Variants in RNF24 observed in about 807,000 individuals in gnomAD.
The protein encoded by RNF24 is ring finger protein 24.
A neutral mutation model predicts 20.0 loss-of-function variants in RNF24; 14 were observed. The observed-to-expected ratio is 0.70, with a 90% confidence interval of 0.46 to 1.10. The LOEUF (loss-of-function observed/expected upper bound fraction) is 1.10, where lower values mean the gene tolerates loss of function less well. RNF24 is among the 50% of genes least tolerant of loss of function. RNF24 has a pLI of 0.00. For synonymous variants in RNF24, 45 were observed against 61.1 expected (o/e 0.74, Z 1.23); for missense variants, 124 against 177.6 (o/e 0.70, Z 1.71).
intron 1 of RNF24, among the ~76,000 whole-genome samples, chr20:3,997,583 C>T (rs141287000): frequency 1.1e-4 from 17 of 151,178 alleles, no homozygotes; most frequent in East Asian, 9.7e-4. Context: ...TGTGCTACCA[C>T]GCCCAGCTAA....
chr20:3,960,850 G>A (rs2091193763), intron 2 of RNF24, among the ~76,000 whole-genome samples: 1 of 151,984 alleles, frequency 6.6e-6, no homozygotes, highest in Admixed American at 6.6e-5. Flanking sequence ...AGGGTAGAGT[G>A]TGGCACAATC....
intron 1 of RNF24, among the ~76,000 whole-genome samples, chr20:4,007,660 T>G (rs1981983380): frequency 6.6e-6 from 1 of 150,980 alleles, no homozygotes; most frequent in Non-Finnish European, 1.5e-5. Flanking sequence ...ATCCTAGCAC[T>G]TTGGGAGGTG....
intron 1 of RNF24, among the ~76,000 whole-genome samples, chr20:3,997,507 G>A (rs1021026619): frequency 3.3e-5 from 5 of 150,976 alleles, no homozygotes; most frequent in Non-Finnish European, 1.5e-5. Flanking sequence ...GCTCACTGTC[G>A]CCTCAAACTC....
chr20:3,993,687 A>G (rs1482415597), intron 1 of RNF24, among the ~76,000 whole-genome samples: 1 of 152,214 alleles, frequency 6.6e-6, no homozygotes, highest in South Asian at 2.1e-4. Flanking sequence ...GAATGGATAC[A>G]CAAGTAAAAA....
At chr20:4,003,556 A>G (rs1981587326) in intron 1 of RNF24, among the ~76,000 whole-genome samples, 1 of 151,592 alleles carries the variant, frequency 6.6e-6, no homozygotes, top group South Asian at 2.1e-4. Flanking sequence ...ACCCTCTGAA[A>G]ATCTATTTTG....
At chr20:3,981,512 CTTT>C (rs1420728505) in intron 1 of RNF24, among the ~76,000 whole-genome samples, 2 of 143,680 alleles carry the variant, frequency 1.4e-5, no homozygotes, top group Non-Finnish European at 3.1e-5. Context: ...CACTTTTTTT[CTTT>C]TTTTTTTTTG....
intron 1 of RNF24, among the ~76,000 whole-genome samples, chr20:4,004,585 C>G (rs1981690600): frequency 6.6e-6 from 1 of 151,970 alleles, no homozygotes; most frequent in Non-Finnish European, 1.5e-5. Context: ...GATTCTAGAT[C>G]CAATGGCAAG....
Position 3,930,422 on chromosome 20 carries a change from CAG to C in RNF24, c.*3639_*3640del, listed in dbSNP as rs1420245767. 1 of 152,202 alleles carries C rather than the reference CAG, an allele frequency of 6.6e-6. No homozygotes were observed. Among genetic ancestry groups the C allele is most frequent in the Non-Finnish European group, 1.5e-5 (1 of 68,072 alleles). 9.4% of individuals were successfully genotyped at this position (152,202 alleles called of 1,614,324 possible). A position where few individuals can be genotyped will look rare whatever the true frequency, so the allele number is the denominator to read the frequency against. On this transcript the variant is annotated 3_prime_UTR_variant, in exon 6 of 6. Transcript: ENST00000358395. ...CCCAGATGATGTTATGTGGTATCAG[CAG>C]CCCCCATGACACCAGGCCTGCTGCC...
chr20:3,967,127 T>C (rs2091266884), intron 1 of RNF24, among the ~76,000 whole-genome samples: 1 of 152,338 alleles, frequency 6.6e-6, no homozygotes, highest in East Asian at 1.9e-4. Flanking sequence ...GACACATTAG[T>C]TTTTACAAAA....
At chr20:3,940,317 G>A (rs2090939823) in intron 4 of RNF24, among the ~76,000 whole-genome samples, 1 of 151,840 alleles carries the variant, frequency 6.6e-6, no homozygotes. Context: ...TTAATGGATG[G>A]GCTCAACAGC....
At chr20:3,941,935 G>A (rs1260757114) in intron 4 of RNF24, among the ~76,000 whole-genome samples, 6 of 151,890 alleles carry the variant, frequency 4.0e-5, no homozygotes, top group Non-Finnish European at 8.8e-5. Context: ...TTAGCTGGGC[G>A]TGGTGGTGGA....
intron 1 of RNF24, among the ~76,000 whole-genome samples, chr20:3,978,301 G>A (rs540082967): frequency 9.9e-5 from 15 of 152,008 alleles, no homozygotes; most frequent in African/African-American, 3.4e-4. Flanking sequence ...CTCCCAAAGT[G>A]CTGGAATTAC....
chr20:3,996,421 T>C (rs941830262), intron 1 of RNF24, among the ~76,000 whole-genome samples: 5 of 152,194 alleles, frequency 3.3e-5, no homozygotes, highest in Non-Finnish European at 1.5e-5. Flanking sequence ...CATTTCCATT[T>C]AGAGAATCAG....
intron 1 of RNF24, among the ~76,000 whole-genome samples, chr20:3,997,249 A>AG (rs1980956109): frequency 6.6e-6 from 1 of 151,506 alleles, no homozygotes; most frequent in Admixed American, 6.6e-5. Flanking sequence ...AAAAAAAAAA[A>AG]AAGAAATACA....
chr20:3,956,285 C>T (rs542840550), intron 2 of RNF24, among the ~76,000 whole-genome samples: 1 of 150,462 alleles, frequency 6.6e-6, no homozygotes, highest in Non-Finnish European at 1.5e-5. Context: ...TTAATAAATG[C>T]CCTTTCTTGT....
chr20:4,008,360 AAT>A lies in RNF24; in HGVS notation c.-8+7075_-8+7076del, dbSNP rs1171151678. ...TATATATTATACATGTAATATGTAT[AAT>A]ATATATATTATATATATAATATATA... On this transcript the variant is annotated intron_variant, in intron 1 of 5. Coordinates refer to ENST00000358395, the MANE Select transcript of RNF24 (RefSeq NM_001134337.3). Among the ~76,000 whole-genome samples, 68 of 21,478 alleles carry A rather than the reference AAT, an allele frequency of 3.2e-3. 1 individual carries two copies. Among genetic ancestry groups the A allele is most frequent in the African/African-American group, 7.2e-3 (39 of 5,392 alleles). 14.1% of individuals were successfully genotyped at this position (21,478 alleles called of 152,430 possible).
chr20:3,991,247 C>CTTTTTTTTTTTTTTTTTTTTTTTTTTT (rs10599625), intron 1 of RNF24, among the ~76,000 whole-genome samples: 1 of 82,778 alleles, frequency 1.2e-5, no homozygotes, highest in African/African-American at 4.8e-5. Context: ...TTTTAAACAA[C>CTTTTTTTTTTTTTTTTTTTTTTTTTTT]TTTTTTTTTT....
rs781427129 is a variant in RNF24, at chr20:3,935,091, A to G, written c.229-18T>C. The G allele has an allele frequency of 6.2e-7, 1 of 1,611,650 alleles. No individual in the cohort carries two copies. Among genetic ancestry groups the G allele is most frequent in the Non-Finnish European group, 8.5e-7 (1 of 1,177,842 alleles). ...GCACAGAGCTGAAAGACAAATGCAC[A>G]AATGAAGCCAAGTGTCTGTTAAGTA... is the stretch of plus-strand genomic sequence containing the variant. On this transcript the variant is annotated intron_variant, in intron 4 of 5. Coordinates refer to ENST00000358395, the MANE Select transcript of RNF24 (RefSeq NM_001134337.3).
At chr20:4,009,359 A>T (rs575089910) in intron 1 of RNF24, among the ~76,000 whole-genome samples, 4 of 152,340 alleles carry the variant, frequency 2.6e-5, no homozygotes, top group Admixed American at 2.6e-4. Flanking sequence ...GTATGCTGAC[A>T]TGGATAGCCC....
Sources: allele counts gnomAD v4.1 joint callset (sites outside exome capture counted in the v4.1 genomes callset), GRCh38; gene constraint gnomAD v4.1.1; transcripts MANE v1.5; gene names NCBI Gene and HGNC (gene_info 2026-07-23, HGNC 2026-07-21).